The following RPS6KA2 variants were observed in gnomAD, a reference collection of about 807,000 sequenced individuals.
RPS6KA2 encodes ribosomal protein S6 kinase alpha-2.
Under a neutral mutation model 91.8 loss-of-function variants are expected in RPS6KA2, and 42 were observed. The observed-to-expected ratio is 0.46, with a 90% confidence interval of 0.36 to 0.59. The LOEUF is 0.59. Among genes scored for constraint, RPS6KA2 ranks in the 20% least tolerant of loss-of-function variants. The pLI, the probability that RPS6KA2 is intolerant of heterozygous loss-of-function variation, is 0.00. For synonymous variants in RPS6KA2, 414 were observed against 393.6 expected (o/e 1.05, Z -0.61); for missense variants, 798 against 978.5 (o/e 0.82, Z 2.46).
intron 2 of RPS6KA2, among the ~76,000 whole-genome samples, chr6:166,693,705 C>A (rs1562386916): frequency 6.6e-6 from 1 of 152,228 alleles, no homozygotes; most frequent in Non-Finnish European, 1.5e-5. Context: ...ATACAGTGTG[C>A]CACCAATTTG....
chr6:166,703,508 C>T (rs1005327619), intron 2 of RPS6KA2, among the ~76,000 whole-genome samples: 1 of 152,152 alleles, frequency 6.6e-6, no homozygotes, highest in African/African-American at 2.4e-5. Context: ...ATAGAGATAC[C>T]GTGTAGTTTA....
At chr6:166,845,102 T>C (rs1299695517) in intron 2 of RPS6KA2, among the ~76,000 whole-genome samples, 4 of 152,048 alleles carry the variant, frequency 2.6e-5, no homozygotes, top group African/African-American at 9.7e-5. Context: ...GCAACAGCAG[T>C]TAAAAAGACA....
chr6:166,553,510 C>T (rs1185438171), intron 1 of RPS6KA2, among the ~76,000 whole-genome samples: 1 of 141,790 alleles, frequency 7.1e-6, no homozygotes, highest in Non-Finnish European at 1.5e-5. Context: ...AAACAGGAGT[C>T]ATTTAAAAAA....
In RPS6KA2 at chr6:166,607,090, C is replaced by T. The variant is rs562752930; in HGVS notation, c.99+19831G>A. Among the ~76,000 whole-genome samples, 7 of 143,382 alleles carry T rather than the reference C, an allele frequency of 4.9e-5. No individual in the cohort carries two copies. In the East Asian group the frequency reaches 1.0e-3, roughly 21 times the overall value. 94.1% of individuals were successfully genotyped at this position (143,382 alleles called of 152,430 possible). A position where few individuals can be genotyped will look rare whatever the true frequency, so the allele number is the denominator to read the frequency against. On this transcript the variant is annotated intron_variant, in intron 1 of 20. Transcript: ENST00000265678. ...CCGGGATGCAGAGGTTGCAGTGAGC[C>T]GAGATTGTGCCATTGCACTCCAGCC...
intron 1 of RPS6KA2, among the ~76,000 whole-genome samples, chr6:166,617,712 A>G (rs1466414178): frequency 6.6e-6 from 1 of 152,226 alleles, no homozygotes; most frequent in East Asian, 1.9e-4. Context: ...TCCTAAGATA[A>G]AATGTCCTAA....
At chr6:166,472,260 T>G (rs553815751) in intron 10 of RPS6KA2, among the ~76,000 whole-genome samples, 1 of 152,334 alleles carries the variant, frequency 6.6e-6, no homozygotes, top group African/African-American at 2.4e-5. Context: ...GGAGGATCTA[T>G]TTCACATTTT....
At chr6:166,611,219 A>G (rs1487686312) in intron 1 of RPS6KA2, among the ~76,000 whole-genome samples, 3 of 152,256 alleles carry the variant, frequency 2.0e-5, no homozygotes, top group Non-Finnish European at 4.4e-5. Flanking sequence ...AGACATGCCC[A>G]TATTTTTCAC....
intron 14 of RPS6KA2, among the ~76,000 whole-genome samples, chr6:166,442,167 G>A (rs536392580): frequency 1.2e-4 from 18 of 152,312 alleles, no homozygotes; most frequent in African/African-American, 4.1e-4. Context: ...TTTCTTGCAG[G>A]TCCCATGACT....
At position 166,783,813 on chromosome 6, in the gene RPS6KA2, T is replaced by TACGC. The variant is rs1562437159; in HGVS notation, c.123+74386_123+74387insGCGT. On this transcript the variant is annotated intron_variant, in intron 2 of 21. Transcript: ENST00000503859. ...ACATATATACACGTGCACAGTTACC[T>TACGC]GTAACCACATATGCACACGTGCACA... 3.7e-5 allele frequency among the ~76,000 whole-genome samples: 4 copies of TACGC among 109,550 alleles called. No individual in the cohort carries two copies. The East Asian group carries it at 6.5e-4, about 18-fold the overall frequency. 71.9% of individuals were successfully genotyped at this position (109,550 alleles called of 152,430 possible). A position where few individuals can be genotyped will look rare whatever the true frequency, so the allele number is the denominator to read the frequency against.
intron 1 of RPS6KA2, among the ~76,000 whole-genome samples, chr6:166,616,786 C>T (rs1317333109): frequency 6.6e-6 from 1 of 152,146 alleles, no homozygotes; most frequent in East Asian, 1.9e-4. Flanking sequence ...GACCTGGGCT[C>T]ACACAGGGGC....
chr6:166,449,794 GCCACCACGGGGACCACCATGGGAA>G (rs1182699305), intron 13 of RPS6KA2, among the ~76,000 whole-genome samples: 16 of 113,448 alleles, frequency 1.4e-4, no homozygotes, highest in South Asian at 2.8e-4. Flanking sequence ...CACCATGGGA[GCCACCACGGGGACCACCATGGGAA>G]CCACCACAGG....
At chr6:166,515,839 G>A (rs1782626561) in intron 3 of RPS6KA2, among the ~76,000 whole-genome samples, 1 of 152,180 alleles carries the variant, frequency 6.6e-6, no homozygotes. Flanking sequence ...TGCTCACTGA[G>A]ATAAATGCAG....
At chr6:166,618,753 G>A (rs1786508641) in intron 1 of RPS6KA2, among the ~76,000 whole-genome samples, 1 of 152,174 alleles carries the variant, frequency 6.6e-6, no homozygotes, top group Admixed American at 6.5e-5. Flanking sequence ...CCTGCCTCAC[G>A]CACACAGAGT....
chr6:166,844,773 C>T (rs1780567091), intron 2 of RPS6KA2, among the ~76,000 whole-genome samples: 2 of 151,968 alleles, frequency 1.3e-5, no homozygotes, highest in African/African-American at 2.4e-5. Context: ...TAGAAGGAGC[C>T]CTAAATCTTG....
intron 13 of RPS6KA2, among the ~76,000 whole-genome samples, chr6:166,449,802 G>T (rs868115841): frequency 1.8e-5 from 2 of 110,462 alleles, no homozygotes; most frequent in Admixed American, 2.0e-4. Flanking sequence ...GAGCCACCAC[G>T]GGGACCACCA....
In RPS6KA2 at chr6:166,639,393, G is replaced by A. The variant is rs1664221428; in HGVS notation, c.124-100609C>T. On this transcript the variant is annotated intron_variant, in intron 2 of 21. Coordinates refer to the RPS6KA2 transcript ENST00000503859. The surrounding 1 kb of genome is among the most constrained non-coding windows in gnomAD (Gnocchi z 4.2). ...CCCTGCCCTCCATAACACAGCGTGGGTCCTCCTTAGCTCTTGCCAGAAAAT... is the reference window on the plus strand; with the variant it reads ...CCCTGCCCTCCATAACACAGCGTGGATCCTCCTTAGCTCTTGCCAGAAAAT... 6.6e-6 allele frequency among the ~76,000 whole-genome samples: 1 copy of A among 151,900 alleles called. No individual in the cohort carries two copies. The highest frequency in any genetic ancestry group is 2.4e-5 in the African/African-American group (1 of 41,328).
At chr6:166,802,944 GTA>G (rs201882418) in intron 2 of RPS6KA2, among the ~76,000 whole-genome samples, 6,220 of 133,700 alleles carry the variant, frequency 0.047, 534 homozygotes, top group East Asian at 0.42. Context: ...GTGTGTGTGT[GTA>G]TATATATATA....
At chr6:166,577,872 C>T (rs1442360175) in intron 1 of RPS6KA2, among the ~76,000 whole-genome samples, 1 of 152,142 alleles carries the variant, frequency 6.6e-6, no homozygotes, top group African/African-American at 2.4e-5. Flanking sequence ...AATTGTACTG[C>T]CATAATTCCC....
At chr6:166,799,499 T>C (rs998741360) in intron 2 of RPS6KA2, among the ~76,000 whole-genome samples, 4 of 151,976 alleles carry the variant, frequency 2.6e-5, no homozygotes, top group African/African-American at 9.7e-5. Flanking sequence ...ACTGGCATAA[T>C]ATCCTAAAGG....
Sources: gnomAD v4.1 joint callset for allele counts (sites outside exome capture counted in the v4.1 genomes callset) on GRCh38, gnomAD v4.1.1 for gene constraint, Gnocchi (gnomAD v3.1) non-coding constraint, MANE v1.5 for transcripts, NCBI Gene and HGNC (gene_info 2026-07-23, HGNC 2026-07-21) for gene names.